Variants in PARD3 observed in about 807,000 individuals in gnomAD.
PARD3 encodes par-3 family cell polarity regulator, also known as partitioning defective 3 homolog.
PARD3 carries 75 observed loss-of-function variants against 155.4 expected under a neutral mutation model. That is an observed-to-expected ratio of 0.48 (90% CI 0.40 to 0.58). The LOEUF is 0.58. Ranked by LOEUF, PARD3 falls within the 20% of genes least tolerant of loss-of-function variation. The probability of loss-of-function intolerance (pLI) is 0.00; values close to 1 mark genes in which losing one functional copy is unlikely to be tolerated. For synonymous variants in PARD3, 576 were observed against 610.5 expected, an observed-to-expected ratio of 0.94 and a Z score of 0.83; for missense variants, 1,642 against 1,721.7, an observed-to-expected ratio of 0.95 and a Z score of 0.82.
chr10:34,735,025 A>G (rs929339174), intron 1 of PARD3, among the ~76,000 whole-genome samples: 2 of 151,814 alleles, frequency 1.3e-5, no homozygotes, highest in African/African-American at 4.8e-5. Context: ...AAATGGATAA[A>G]TTAATAGGAA....
intron 24 of PARD3, among the ~76,000 whole-genome samples, chr10:34,119,320 A>C (rs1021386993): frequency 2.6e-5 from 4 of 152,204 alleles, no homozygotes; most frequent in African/African-American, 9.7e-5. Flanking sequence ...TCTTGTCCAC[A>C]CAGGAAGCAG....
chr10:34,510,474 GATCT>G (rs1330306777), intron 3 of PARD3, among the ~76,000 whole-genome samples: 7 of 152,038 alleles, frequency 4.6e-5, no homozygotes, highest in African/African-American at 7.2e-5. Context: ...GTGCTATTTT[GATCT>G]ATTATATATT....
chr10:34,703,721 G>T (rs1037440052), intron 1 of PARD3, among the ~76,000 whole-genome samples: 18 of 152,106 alleles, frequency 1.2e-4, no homozygotes, highest in Non-Finnish European at 2.6e-4. Context: ...GAAGATTGGT[G>T]GGGGGAAGGG....
chr10:34,798,818 C>T lies in PARD3; in HGVS notation c.120+16058G>A, dbSNP rs201597585. On this transcript the variant is annotated intron_variant, in intron 1 of 24. Coordinates refer to ENST00000374788, the MANE Select transcript of PARD3 (RefSeq NM_001184785.2). ...CTTGTGTTTTGGAAATTTCCATGCA[C>T]AGTCCAAAGGCGAGCAGGGTTGCAA... Among the ~76,000 whole-genome samples, 9 of 152,162 alleles carry T rather than the reference C, an allele frequency of 5.9e-5. No individual in the cohort carries two copies. The East Asian group carries it at 1.7e-3, about 29-fold the overall frequency.
At chr10:34,382,419 T>C in intron 9 of PARD3, 121 bp downstream of exon 9, 1 of 899,342 alleles carries the variant, frequency 1.1e-6, no homozygotes, top group Non-Finnish European at 1.7e-6. Flanking sequence ...ACAAAATAAT[T>C]AGATAAGACT....
At chr10:34,513,589 C>T (rs948122028) in intron 3 of PARD3, among the ~76,000 whole-genome samples, 1 of 152,140 alleles carries the variant, frequency 6.6e-6, no homozygotes, top group Non-Finnish European at 1.5e-5. Context: ...CCTGGATTAT[C>T]TTACTTAACT....
chr10:34,341,646 T>C lies in PARD3; in HGVS notation c.2389A>G (p.Ile797Val), dbSNP rs1836845406. The change falls in exon 16 of 25, where the codon ATC (isoleucine) becomes GTC (valine). Residue 797 changes from isoleucine (I) to valine (V), a missense_variant. Ile to Val is a conservative substitution (Grantham distance 29). Around this residue, in one of 3 missense-constraint regions of PARD3, gnomAD observed 1,529 missense variants for 1,587.3 expected, o/e 0.96. Transcript: ENST00000374788. ...GCTTACCAGTCGGCTGAATCACTGA[T>C]TGCAGCCTTGGCCCAAGTACCAGCA... is the stretch of plus-strand genomic sequence containing the variant. ...ADAGTWAKAA[I>V]SDSADCSLSP... is the part of the protein sequence containing the mutation. The C allele has an allele frequency of 1.2e-6, 2 of 1,612,786 alleles. No homozygotes were observed. Among genetic ancestry groups the C allele is most frequent in the Non-Finnish European group, 1.7e-6 (2 of 1,179,494 alleles).
chr10:34,369,770 G>C (rs554330564), intron 12 of PARD3, among the ~76,000 whole-genome samples: 2 of 152,204 alleles, frequency 1.3e-5, no homozygotes, highest in East Asian at 3.9e-4. Flanking sequence ...ATGAAAGTGA[G>C]CATTGGACTT....
chr10:34,247,564 G>A lies in PARD3; in HGVS notation c.3419+22093C>T, dbSNP rs564479355. On this transcript the variant is annotated intron_variant, in intron 22 of 24. Transcript: ENST00000374788. ...AGAAAGGACAGTGATGATAGAATCA[G>A]AGGAAAAAGAATTTTTAAAAAGATG... Among the ~76,000 whole-genome samples, 6 of 152,188 alleles carry A rather than the reference G, an allele frequency of 3.9e-5. No individual in the cohort carries two copies. In the East Asian group the frequency reaches 5.8e-4, roughly 15 times the overall value.
At chr10:34,161,636 A>G (rs1378910315) in intron 22 of PARD3, among the ~76,000 whole-genome samples, 1 of 152,210 alleles carries the variant, frequency 6.6e-6, no homozygotes, top group Non-Finnish European at 1.5e-5. Flanking sequence ...GACGGTTGAC[A>G]ATCACTATGA....
At chr10:34,275,616 C>T (rs148805304) in intron 21 of PARD3, among the ~76,000 whole-genome samples, 23 of 152,306 alleles carry the variant, frequency 1.5e-4, no homozygotes, top group African/African-American at 4.8e-4. Flanking sequence ...AACTTTCTAA[C>T]ACGACCAAAA....
chr10:34,399,509 C>T (rs1478123415), intron 6 of PARD3, 96 bp from the exon 7 acceptor site: 2 of 775,732 alleles, frequency 2.6e-6, no homozygotes, highest in African/African-American at 3.5e-5. Context: ...AACACAGACA[C>T]ACAATAAACA....
chr10:34,736,577 C>G (rs1414287128), intron 1 of PARD3, among the ~76,000 whole-genome samples: 1 of 151,874 alleles, frequency 6.6e-6, no homozygotes, highest in East Asian at 1.9e-4. Flanking sequence ...TGTCTGTGTT[C>G]ATAAAGAAAG....
intron 3 of PARD3, among the ~76,000 whole-genome samples, chr10:34,478,189 G>T (rs760577581): frequency 1.3e-5 from 2 of 152,082 alleles, no homozygotes; most frequent in Non-Finnish European, 2.9e-5. Flanking sequence ...ATAAATACAG[G>T]ATACTATGGT....
At chr10:34,773,059 C>A (rs554020415) in intron 1 of PARD3, among the ~76,000 whole-genome samples, 8 of 152,218 alleles carry the variant, frequency 5.3e-5, no homozygotes, top group African/African-American at 1.9e-4. Context: ...TGACACATCT[C>A]CTTGGATTTA....
chr10:34,787,616 A>T (rs953903421), intron 1 of PARD3, among the ~76,000 whole-genome samples: 3 of 152,200 alleles, frequency 2.0e-5, no homozygotes, highest in Non-Finnish European at 4.4e-5. Flanking sequence ...ATCTCGTTAA[A>T]GATGGAAGCA....
intron 2 of PARD3, among the ~76,000 whole-genome samples, chr10:34,689,146 G>C (rs1414893669): frequency 6.6e-6 from 1 of 152,138 alleles, no homozygotes; most frequent in Non-Finnish European, 1.5e-5. Context: ...TATAATGCTT[G>C]TTCTTTTTTC....
chr10:34,408,575 C>T (rs1306113714), intron 5 of PARD3, among the ~76,000 whole-genome samples: 3 of 152,118 alleles, frequency 2.0e-5, no homozygotes, highest in Non-Finnish European at 4.4e-5. Flanking sequence ...AGAAGGCATT[C>T]GTGTTAATGT....
chr10:34,460,455 G>T (rs1038148772), intron 4 of PARD3, among the ~76,000 whole-genome samples: 2 of 152,148 alleles, frequency 1.3e-5, no homozygotes, highest in Non-Finnish European at 2.9e-5. Context: ...ACAGCTGGTT[G>T]AACTATTAGG....
Sources: gnomAD v4.1 joint callset for allele counts (sites outside exome capture counted in the v4.1 genomes callset) on GRCh38, gnomAD v4.1.1 for gene constraint, gnomAD v4.1.1 regional missense constraint, MANE v1.5 for transcripts, NCBI Gene and HGNC (gene_info 2026-07-23, HGNC 2026-07-21) for gene names.